Variants in MYLK observed in about 807,000 individuals in gnomAD.
The protein encoded by MYLK is myosin light chain kinase, also known as myosin light chain kinase, smooth muscle.
MYLK carries 106 observed loss-of-function variants against 203.4 expected under a neutral mutation model. The observed-to-expected ratio is 0.52, with a 90% CI of 0.45 to 0.61. The LOEUF is 0.61. Ranked by LOEUF, MYLK falls within the 20% of genes least tolerant of loss-of-function variation. The pLI is 0.00. For missense variants in MYLK, 2,072 were observed against 2,442.3 expected, an observed-to-expected ratio of 0.85 and a Z score of 3.20; for synonymous variants, 867 against 959.5, an observed-to-expected ratio of 0.90 and a Z score of 1.78.
rs552225257 is a variant in MYLK, at chr3:123,714,038, A to G, written c.1805-4145T>C. Among the ~76,000 whole-genome samples, 10 of 152,306 alleles carry G rather than the reference A, an allele frequency of 6.6e-5. No individual in the cohort carries two copies. In the East Asian group the frequency reaches 1.7e-3, roughly 26 times the overall value. On this transcript the variant is annotated intron_variant, in intron 13 of 33. Transcript: ENST00000360304. ...GGAAATTCAACCTGATAATAACTCC[A>G]ATGAGAAAAACCCCCCAAACCAGAA...
chr3:123,734,650 A>G (rs2062611956), intron 9 of MYLK: 3 of 158,922 alleles, frequency 1.9e-5, no homozygotes, highest in Admixed American at 1.8e-4. Context: ...TAAGAATGAA[A>G]CTGAGCCCCA....
intron 2 of MYLK, among the ~76,000 whole-genome samples, chr3:123,856,738 T>C (rs2031410185): frequency 6.6e-6 from 1 of 152,152 alleles, no homozygotes; most frequent in Admixed American, 6.5e-5. Context: ...GTTTCCATAT[T>C]GCAAACTGAG....
intron 13 of MYLK, among the ~76,000 whole-genome samples, chr3:123,713,554 C>A (rs2108678855): frequency 6.6e-6 from 1 of 150,796 alleles, no homozygotes; most frequent in South Asian, 2.1e-4. Flanking sequence ...AGAACAGAGA[C>A]AAGCCAGGTG....
At chr3:123,842,064 A>T (rs2066604092) in intron 2 of MYLK, among the ~76,000 whole-genome samples, 1 of 152,186 alleles carries the variant, frequency 6.6e-6, no homozygotes, top group South Asian at 2.1e-4. Flanking sequence ...ACCCATTAAA[A>T]GACAGATAAA....
chr3:123,866,533 T>G (rs2032338987), intron 2 of MYLK, among the ~76,000 whole-genome samples: 1 of 152,138 alleles, frequency 6.6e-6, no homozygotes, highest in African/African-American at 2.4e-5. Context: ...TAAACCATGT[T>G]GGATAGGGGA....
At chr3:123,826,318 A>C (rs1435635712) in intron 3 of MYLK, among the ~76,000 whole-genome samples, 1 of 152,168 alleles carries the variant, frequency 6.6e-6, no homozygotes, top group Non-Finnish European at 1.5e-5. Flanking sequence ...GGGCCTAATA[A>C]GCAGCTGCAT....
chr3:123,663,862 T>C (rs1296453443), intron 23 of MYLK, among the ~76,000 whole-genome samples: 1 of 152,088 alleles, frequency 6.6e-6, no homozygotes, highest in Non-Finnish European at 1.5e-5. Context: ...CAGAGAGGTG[T>C]TGATAGAGAC....
chr3:123,829,113 A>G (rs1218865721), intron 3 of MYLK, among the ~76,000 whole-genome samples: 2 of 152,226 alleles, frequency 1.3e-5, no homozygotes, highest in African/African-American at 2.4e-5. Context: ...AAAGGAAAAA[A>G]GGAAATCATC....
chr3:123,664,052 C>T, intron 23 of MYLK, 53 bp downstream of exon 23: 4 of 1,612,082 alleles, frequency 2.5e-6, no homozygotes, highest in Non-Finnish European at 3.4e-6. Flanking sequence ...TGCCTGGGGG[C>T]TCCCTGCCTT....
At chr3:123,822,023 T>C (rs1349240413) in intron 3 of MYLK, among the ~76,000 whole-genome samples, 1 of 152,116 alleles carries the variant, frequency 6.6e-6, no homozygotes, top group South Asian at 2.1e-4. Flanking sequence ...TAGGAGTGGG[T>C]TTCTTATTTA....
In MYLK at chr3:123,610,438, T is replaced by A. The variant is rs1463297345; in HGVS notation, c.*3667A>T. 1 of 152,152 alleles carries A rather than the reference T, an allele frequency of 6.6e-6. No individual in the cohort carries two copies. The highest frequency in any genetic ancestry group is 1.5e-5 in the Non-Finnish European group (1 of 68,044). The allele number at this position is 152,152 out of a possible 1,614,324, so 9.4% of individuals were successfully genotyped here. ...ATTTTGGGTTGGCTAGAGACCCAGA[T>A]GGCTGCAGCAGCCACCATCTCATGT... On this transcript the variant is annotated 3_prime_UTR_variant, in exon 34 of 34. Transcript: ENST00000360304.
chr3:123,647,564 T>G, intron 26 of MYLK, 137 bp from the exon 27 acceptor site: 1 of 756,816 alleles, frequency 1.3e-6, no homozygotes, highest in South Asian at 1.5e-5. Flanking sequence ...AGCACAGCCC[T>G]GCCTGGCTGT....
At chr3:123,745,020 A>T (rs2062973278) in intron 5 of MYLK, among the ~76,000 whole-genome samples, 1 of 152,200 alleles carries the variant, frequency 6.6e-6, no homozygotes, top group Admixed American at 6.5e-5. Flanking sequence ...GTTATATTTC[A>T]TTTAGTAGAA....
chr3:123,743,984 A>G (rs181290372), intron 5 of MYLK, among the ~76,000 whole-genome samples: 198 of 152,302 alleles, frequency 1.3e-3, no homozygotes, highest in Non-Finnish European at 1.7e-3. Context: ...GGGAGCAGTC[A>G]CCCTACTTGT....
At chr3:123,638,027 TCCA>T (rs1464737565) in intron 29 of MYLK, 41 bp downstream of exon 29, 1 of 1,612,078 alleles carries the variant, frequency 6.2e-7, no homozygotes, top group Non-Finnish European at 8.5e-7. Context: ...CACCCACTGG[TCCA>T]CCAAGTGGTC....
In MYLK at chr3:123,610,772, T is replaced by C. The variant is rs909215874; in HGVS notation, c.*3333A>G. The C allele has an allele frequency of 7.9e-5, 12 of 152,214 alleles. 1 individual carries two copies. The highest frequency in any genetic ancestry group is 2.9e-5 in the Non-Finnish European group (2 of 68,034). 9.4% of individuals were successfully genotyped at this position (152,214 alleles called of 1,614,324 possible). ...AATTATTTATTACCTCCTATGTACT[T>C]ATTAGCACAGATTTATCAAAAACAG... On this transcript the variant is annotated 3_prime_UTR_variant, in exon 34 of 34. Transcript: ENST00000360304.
Position 123,700,110 on chromosome 3 carries a change from G to C in MYLK, c.3358C>G (p.Gln1120Glu), listed in dbSNP as rs2061123578. Residue 1120 changes from glutamine (Q) to glutamate (E), a missense_variant, in exon 18 of 34, where the codon CAG becomes GAG. Around this residue, in one of 3 missense-constraint regions of MYLK, gnomAD observed 865 missense variants for 1,016.0 expected, o/e 0.85. Coordinates refer to ENST00000360304, the MANE Select transcript of MYLK (RefSeq NM_053025.4). Reference protein sequence around the residue: ...AEGKKLLLQCQVSSDPPATII... With the variant: ...AEGKKLLLQCEVSSDPPATII... ...GTGGCTGGGGGGTCAGAAGACACCT[G>C]GCACTGGAGCAGCAGCTTCTTGCCC... 4 of 1,613,802 alleles carry C rather than the reference G, an allele frequency of 2.5e-6. No individual in the cohort carries two copies. The highest frequency in any genetic ancestry group is 3.4e-6 in the Non-Finnish European group (4 of 1,179,980).
chr3:123,742,741 T>C (rs2062894026), intron 5 of MYLK, among the ~76,000 whole-genome samples: 1 of 152,294 alleles, frequency 6.6e-6, no homozygotes, highest in East Asian at 1.9e-4. Context: ...AACTGATGAA[T>C]GGATAAAGAA....
intron 24 of MYLK, among the ~76,000 whole-genome samples, chr3:123,653,920 G>C (rs575454351): frequency 2.8e-4 from 43 of 151,726 alleles, no homozygotes; most frequent in African/African-American, 9.2e-4. Flanking sequence ...CCACAGACTG[G>C]AACTTGATTG....
Sources: allele counts gnomAD v4.1 joint callset (sites outside exome capture counted in the v4.1 genomes callset), GRCh38; gene constraint gnomAD v4.1.1; regional missense constraint gnomAD v4.1.1; transcripts MANE v1.5; gene names NCBI Gene and HGNC (gene_info 2026-07-23, HGNC 2026-07-21).